NYAP2: variants seen among roughly 807,000 people sequenced by gnomAD.
NYAP2 encodes the protein neuronal tyrosine-phosphorylated phosphoinositide-3-kinase adaptor 2, also known as neuronal tyrosine-phosphorylated phosphoinositide-3-kinase adapter 2.
In NYAP2, 23 loss-of-function variants were observed where a neutral mutation model predicts 50.4. The observed-to-expected ratio is 0.46, with a 90% CI of 0.33 to 0.65. NYAP2 has a LOEUF of 0.65. Among genes scored for constraint, NYAP2 ranks in the 30% least tolerant of loss-of-function variants. NYAP2 has a pLI of 0.02. For missense variants in NYAP2, 885 were observed against 861.0 expected (o/e 1.03, Z -0.35); for synonymous variants, 394 against 365.2 (o/e 1.08, Z -0.90).
At chr2:225,627,287 A>T (rs937809862) in intron 6 of NYAP2, among the ~76,000 whole-genome samples, 161 bp downstream of exon 6, 2 of 152,242 alleles carry the variant, frequency 1.3e-5, no homozygotes, top group African/African-American at 4.8e-5. Flanking sequence ...GGATATAACA[A>T]TATATTGTAC....
intron 3 of NYAP2, among the ~76,000 whole-genome samples, chr2:225,468,479 A>G (rs143736122): frequency 7.7e-4 from 117 of 152,340 alleles, no homozygotes; most frequent in Middle Eastern, 3.4e-3. Context: ...AGAATAGACA[A>G]GAAACAGGAC....
intron 4 of NYAP2, among the ~76,000 whole-genome samples, chr2:225,519,742 G>T (rs1263532865): frequency 6.6e-6 from 1 of 152,098 alleles, no homozygotes; most frequent in Non-Finnish European, 1.5e-5. Flanking sequence ...ACATGTGCAT[G>T]TGTCTTTATA....
intron 3 of NYAP2, among the ~76,000 whole-genome samples, chr2:225,468,132 CTATAAA>C (rs1223906030): frequency 2.0e-5 from 3 of 152,120 alleles, no homozygotes; most frequent in Non-Finnish European, 4.4e-5. Context: ...TTCTGGGTTC[CTATAAA>C]TATAACCTTA....
chr2:225,641,830 AAAG>A (rs1333115572), intron 6 of NYAP2, among the ~76,000 whole-genome samples: 1 of 152,172 alleles, frequency 6.6e-6, no homozygotes, highest in Non-Finnish European at 1.5e-5. Flanking sequence ...AAAAATAAAA[AAAG>A]AAAACTAGTC....
chr2:225,636,715 A>G (rs990199813), intron 6 of NYAP2, among the ~76,000 whole-genome samples: 6 of 152,152 alleles, frequency 3.9e-5, no homozygotes, highest in Admixed American at 2.6e-4. Context: ...CTGTATGTCA[A>G]TTCTGATCCT....
the NYAP2 span, chr2:225,701,793 C>A: frequency 6.6e-6 from 1 of 151,726 alleles, no homozygotes; most frequent in Admixed American, 6.6e-5. Context: ...CTAGATACAA[C>A]TTTACTTTCC....
downstream of NYAP2, among the ~76,000 whole-genome samples, chr2:225,657,012 A>G (rs1693839976): frequency 1.3e-5 from 2 of 151,720 alleles, no homozygotes; most frequent in African/African-American, 4.8e-5. Flanking sequence ...CACATAAAAC[A>G]TGCCTGGGAG....
the NYAP2 span, among the ~76,000 whole-genome samples, chr2:225,675,631 A>G: frequency 1.3e-5 from 2 of 152,110 alleles, no homozygotes; most frequent in Admixed American, 1.3e-4. Flanking sequence ...GTCTGATAGA[A>G]TGAATTGTTT....
At position 225,582,964 on chromosome 2, in the gene NYAP2, G is replaced by A. The variant is rs1420144648; in HGVS notation, c.1547G>A (p.Ser516Asn). 1.2e-6 allele frequency: 2 copies of A among 1,612,564 alleles called. No individual in the cohort carries two copies. The highest frequency in any genetic ancestry group is 1.1e-5 in the South Asian group (1 of 91,036). The change falls in exon 5 of 7, where the codon AGC (serine) becomes AAC (asparagine). Residue 516 changes from serine (S) to asparagine (N), a missense_variant. Transcript: ENST00000636099. This position sits in a 1 kb window ranked among gnomAD's most constrained non-coding sequence, Gnocchi z 7.0. ...ACGAGCCCGCTGGAGGAGCTGACCA[G>A]CCTCTTCTCCTCCGGCCGCAGCCTG...
At chr2:225,469,525 C>A (rs1689978744) in intron 3 of NYAP2, among the ~76,000 whole-genome samples, 1 of 152,180 alleles carries the variant, frequency 6.6e-6, no homozygotes, top group Non-Finnish European at 1.5e-5. Context: ...GATTATAAAT[C>A]ATTCTACTAT....
chr2:225,618,627 G>A (rs568996204), intron 5 of NYAP2, among the ~76,000 whole-genome samples: 3 of 152,322 alleles, frequency 2.0e-5, no homozygotes, highest in African/African-American at 7.2e-5. Context: ...TTGCTTTGGA[G>A]GAGAGGTGTG....
rs777490514 is a variant in NYAP2, at chr2:225,626,972, G to A, written c.1674G>A (p.Leu558=). The A allele has an allele frequency of 7.6e-6, 12 of 1,586,192 alleles. No individual in the cohort carries two copies. In the East Asian group the frequency reaches 2.5e-4, roughly 33 times the overall value. Residue 558 remains leucine (L), a synonymous_variant, in exon 6 of 7, where the codon TTG becomes TTA. Coordinates refer to ENST00000636099, the Ensembl canonical transcript of NYAP2. ...ACAGCACGGAGCCATTACCAAAGTTGGACAACAAGGAAAGAGGCCACCATG... is the reference window on the plus strand; with the variant it reads ...ACAGCACGGAGCCATTACCAAAGTTAGACAACAAGGAAAGAGGCCACCATG...
the NYAP2 span, among the ~76,000 whole-genome samples, chr2:225,665,220 C>G: frequency 6.6e-6 from 1 of 151,884 alleles, no homozygotes; most frequent in Non-Finnish European, 1.5e-5. Context: ...TATAGTTCTG[C>G]CCTGGCTTTG....
chr2:225,484,003 GA>G (rs1445426089), intron 3 of NYAP2, among the ~76,000 whole-genome samples: 1 of 152,162 alleles, frequency 6.6e-6, no homozygotes, highest in Non-Finnish European at 1.5e-5. Flanking sequence ...TGGTTTACAG[GA>G]AAAACTTGAG....
In NYAP2 at chr2:225,615,456, C is replaced by T. The variant is rs570194200; in HGVS notation, c.1619-11461C>T. Among the ~76,000 whole-genome samples, 29 of 152,224 alleles carry T rather than the reference C, an allele frequency of 1.9e-4. No individual in the cohort carries two copies. In the South Asian group the frequency reaches 3.9e-3, roughly 21 times the overall value. The stretch of plus-strand genomic sequence containing the variant: ...TGATAAAAAAAAAGAATAATTCCAA[C>T]GTCTGGATATTTGGTGGAGAGCTTT... On this transcript the variant is annotated intron_variant, in intron 5 of 6. Coordinates refer to ENST00000636099, the Ensembl canonical transcript of NYAP2.
intron 4 of NYAP2, among the ~76,000 whole-genome samples, chr2:225,577,504 A>C (rs1574688258): frequency 6.6e-6 from 1 of 152,062 alleles, no homozygotes; most frequent in Non-Finnish European, 1.5e-5. Context: ...GTTGGAATAC[A>C]TTATGGGACA....
exon 1 of NYAP2, chr2:225,400,117 A>G (rs1480879770): frequency 6.6e-6 from 1 of 152,106 alleles, no homozygotes; most frequent in Non-Finnish European, 1.5e-5. Flanking sequence ...GTTTCTTGCA[A>G]TTTCTTCAGT....
At chr2:225,458,021 C>T (rs2106151880) in intron 3 of NYAP2, among the ~76,000 whole-genome samples, 1 of 151,588 alleles carries the variant, frequency 6.6e-6, no homozygotes, top group East Asian at 1.9e-4. Context: ...CTTTAGTTAC[C>T]TGGTTGTTAC....
intron 5 of NYAP2, among the ~76,000 whole-genome samples, chr2:225,588,057 T>C (rs535367743): frequency 6.6e-6 from 1 of 152,196 alleles, no homozygotes; most frequent in Non-Finnish European, 1.5e-5. Context: ...CCCGAGTAGC[T>C]GGGATTTAAG....
Sources: allele counts gnomAD v4.1 joint callset (sites outside exome capture counted in the v4.1 genomes callset), GRCh38; gene constraint gnomAD v4.1.1; non-coding constraint Gnocchi (gnomAD v3.1); transcripts MANE v1.5; gene names NCBI Gene and HGNC (gene_info 2026-07-23, HGNC 2026-07-21).